Variants in FOXN3 observed in about 807,000 individuals in gnomAD.
FOXN3 encodes forkhead box protein N3.
A neutral mutation model predicts 38.4 loss-of-function variants in FOXN3; 7 were observed. That is an observed-to-expected ratio of 0.18 (90% CI 0.10 to 0.34). The LOEUF (loss-of-function observed/expected upper bound fraction) is 0.34, where lower values mean the gene tolerates loss of function less well. Ranked by LOEUF, FOXN3 falls within the 10% of genes least tolerant of loss-of-function variation. The probability of loss-of-function intolerance (pLI) is 1.00; values close to 1 mark genes in which losing one functional copy is unlikely to be tolerated. For synonymous variants in FOXN3, 230 were observed against 242.2 expected (o/e 0.95, Z 0.47); for missense variants, 456 against 613.4 (o/e 0.74, Z 2.71).
At chr14:89,540,307 A>G (rs901710869) in intron 1 of FOXN3, among the ~76,000 whole-genome samples, 1 of 152,198 alleles carries the variant, frequency 6.6e-6, no homozygotes. Flanking sequence ...AAGTAAACCA[A>G]TGTTTACCAC....
At chr14:89,582,047 C>T (rs933171885) in intron 1 of FOXN3, among the ~76,000 whole-genome samples, 2 of 152,130 alleles carry the variant, frequency 1.3e-5, no homozygotes, top group Non-Finnish European at 2.9e-5. Flanking sequence ...TTTTTCAGGT[C>T]TTCTGCAGCA....
At chr14:89,549,306 A>G (rs1894952530) in intron 1 of FOXN3, among the ~76,000 whole-genome samples, 1 of 151,806 alleles carries the variant, frequency 6.6e-6, no homozygotes, top group Non-Finnish European at 1.5e-5. Flanking sequence ...TTTTCTTTTG[A>G]AATGTTAACT....
chr14:89,202,844 GAT>G (rs1434500352), intron 4 of FOXN3, among the ~76,000 whole-genome samples: 2 of 152,154 alleles, frequency 1.3e-5, no homozygotes, highest in Non-Finnish European at 1.5e-5. Flanking sequence ...CCATGAGCCA[GAT>G]AAACCTCTTT....
chr14:89,385,872 A>C (rs533716926), intron 2 of FOXN3, among the ~76,000 whole-genome samples: 59 of 152,368 alleles, frequency 3.9e-4, no homozygotes, highest in South Asian at 1.4e-3. Flanking sequence ...GAGAGGGAGA[A>C]AAAAGCAAAA....
rs563066910 is a variant in FOXN3 at position 89,156,255 on chromosome 14, T to C, written c.*6159A>G. The C allele has an allele frequency of 6.5e-5, 10 of 152,780 alleles. 1 individual carries two copies. The highest frequency in any genetic ancestry group is 2.4e-4 in the African/African-American group (10 of 41,576). The allele number at this position is 152,780 out of a possible 1,614,324, so 9.5% of individuals were successfully genotyped here. A position where few individuals can be genotyped will look rare whatever the true frequency, so the allele number is the denominator to read the frequency against. On this transcript the variant is annotated 3_prime_UTR_variant, in exon 6 of 6. Coordinates refer to ENST00000557258, the MANE Select transcript of FOXN3 (RefSeq NM_005197.4). ...CATCACAGAAACTTTATGGTAGGTCTGGGGAAAAGTGTTATTTACAATAAA... is the reference window on the plus strand; with the variant it reads ...CATCACAGAAACTTTATGGTAGGTCCGGGGAAAAGTGTTATTTACAATAAA...
chr14:89,618,412 C>A (rs1566720131), intron 1 of FOXN3, among the ~76,000 whole-genome samples: 1 of 152,140 alleles, frequency 6.6e-6, no homozygotes, highest in Non-Finnish European at 1.5e-5. Flanking sequence ...CAATGTTTCT[C>A]CAAAAAGAGA....
At chr14:89,471,926 T>C (rs1303654322) in intron 1 of FOXN3, among the ~76,000 whole-genome samples, 1 of 152,164 alleles carries the variant, frequency 6.6e-6, no homozygotes, top group Non-Finnish European at 1.5e-5. Context: ...AACAGAGTCC[T>C]CATCAATCTT....
intron 1 of FOXN3, among the ~76,000 whole-genome samples, chr14:89,506,948 G>A (rs1352259012): frequency 1.1e-4 from 17 of 151,950 alleles, no homozygotes; most frequent in African/African-American, 2.2e-4. Context: ...AAGAGTCATC[G>A]CCACTCCCTA....
rs559095564 is a variant in FOXN3 at position 89,304,119 on chromosome 14, A to G, written c.681-23105T>C. Reference sequence around the variant, plus strand: ...ACATGCAAACTTGAACAGAACCTGAAAGCAGTTCCCCTTTTAGTTCTGAGC... The same window carrying G: ...ACATGCAAACTTGAACAGAACCTGAGAGCAGTTCCCCTTTTAGTTCTGAGC... On this transcript the variant is annotated intron_variant, in intron 3 of 5. Transcript: ENST00000557258. Among the ~76,000 whole-genome samples, 391 of 152,294 alleles carry G rather than the reference A, an allele frequency of 2.6e-3. 3 individuals carry two copies. Among genetic ancestry groups the G allele is most frequent in the African/African-American group, 9.0e-3 (374 of 41,556 alleles).
At chr14:89,259,749 G>C (rs1050906801) in intron 4 of FOXN3, among the ~76,000 whole-genome samples, 1 of 152,138 alleles carries the variant, frequency 6.6e-6, no homozygotes, top group Admixed American at 6.5e-5. Context: ...ACCAGGGCTC[G>C]GCAGAAACTT....
upstream of FOXN3, among the ~76,000 whole-genome samples, chr14:89,418,438 T>G: frequency 9.6e-6 from 1 of 104,306 alleles, no homozygotes; most frequent in East Asian, 3.6e-4. Flanking sequence ...CTGAGAGTCA[T>G]TCCCCCTAAC....
intron 3 of FOXN3, among the ~76,000 whole-genome samples, chr14:89,329,976 A>G (rs989912294): frequency 1.3e-5 from 2 of 151,792 alleles, no homozygotes; most frequent in Non-Finnish European, 2.9e-5. Context: ...CGGTTTCAAG[A>G]TCATTATCAT....
At chr14:89,378,833 A>C (rs1297590850) in intron 2 of FOXN3, among the ~76,000 whole-genome samples, 1 of 151,620 alleles carries the variant, frequency 6.6e-6, no homozygotes, top group Non-Finnish European at 1.5e-5. Context: ...TAGCCTCCCG[A>C]GTACCTGGGA....
chr14:89,162,952 C>T lies in FOXN3; in HGVS notation c.869G>A (p.Cys290Tyr), dbSNP rs1231783424. ...TAAMRNGITS[C>Y]RMRTESEPSC... ...TGGCTCACTCTCAGTCCGCATCCGG[C>T]AGCTGGTGATGCCATTCCTGCAGAG... The change falls in exon 6 of 6, where the codon TGC becomes TAC. Residue 290 changes from cysteine (C) to tyrosine (Y), a missense_variant. Physicochemically the swap from Cys to Tyr is radical, Grantham distance 194 (BLOSUM62 -2). Transcript: ENST00000557258. This position sits in a 1 kb window ranked among gnomAD's most constrained non-coding sequence, Gnocchi z 7.2. 3 of 1,565,128 alleles carry T rather than the reference C, an allele frequency of 1.9e-6. No individual in the cohort carries two copies. Among genetic ancestry groups the T allele is most frequent in the South Asian group, 2.4e-5 (2 of 83,932 alleles).
chr14:89,476,967 C>T (rs1489775061), intron 1 of FOXN3, among the ~76,000 whole-genome samples: 2 of 152,006 alleles, frequency 1.3e-5, no homozygotes, highest in Non-Finnish European at 2.9e-5. Context: ...GAACCCCAGG[C>T]AAGGAGGCTC....
At chr14:89,253,027 G>C (rs1646292663) in intron 4 of FOXN3, among the ~76,000 whole-genome samples, 1 of 152,190 alleles carries the variant, frequency 6.6e-6, no homozygotes, top group Non-Finnish European at 1.5e-5. Context: ...TAAGTGTCTG[G>C]TGTTTTGCCT....
chr14:89,349,059 A>G (rs1400477743), intron 3 of FOXN3, among the ~76,000 whole-genome samples: 2 of 152,148 alleles, frequency 1.3e-5, no homozygotes, highest in African/African-American at 4.8e-5. Flanking sequence ...AGGGTATTCC[A>G]TGCAGCTTGG....
intron 1 of FOXN3, among the ~76,000 whole-genome samples, chr14:89,583,729 T>G (rs892310192): frequency 2.0e-5 from 3 of 151,884 alleles, no homozygotes; most frequent in African/African-American, 7.3e-5. Context: ...CTGGCTAATT[T>G]TTGTATTTTT....
intron 1 of FOXN3, among the ~76,000 whole-genome samples, chr14:89,511,307 C>CTTTCTTTG (rs1398633001): frequency 1.8e-5 from 2 of 112,946 alleles, no homozygotes; most frequent in African/African-American, 7.1e-5. Flanking sequence ...TTCTTTCTTT[C>CTTTCTTTG]TTTTTTGAGA....
Sources: gnomAD v4.1 joint callset for allele counts (sites outside exome capture counted in the v4.1 genomes callset) on GRCh38, gnomAD v4.1.1 for gene constraint, Gnocchi (gnomAD v3.1) non-coding constraint, MANE v1.5 for transcripts, NCBI Gene and HGNC (gene_info 2026-07-23, HGNC 2026-07-21) for gene names.